KANSL1L: variants seen among roughly 807,000 people sequenced by gnomAD.
The protein encoded by KANSL1L is KAT8 regulatory NSL complex subunit 1-like protein.
In KANSL1L, 25 loss-of-function variants were observed where a neutral mutation model predicts 108.6. The observed-to-expected ratio is 0.23, with a 90% confidence interval of 0.17 to 0.32. KANSL1L has a LOEUF of 0.32. Among genes scored for constraint, KANSL1L ranks in the 10% least tolerant of loss-of-function variants. The pLI, the probability that KANSL1L is intolerant of heterozygous loss-of-function variation, is 1.00. For synonymous variants in KANSL1L, 405 were observed against 395.1 expected (o/e 1.03, Z -0.30); for missense variants, 1,137 against 1,125.7 (o/e 1.01, Z -0.14).
intron 3 of KANSL1L, among the ~76,000 whole-genome samples, chr2:210,109,764 CTTCT>C (rs1480969464): frequency 2.0e-5 from 3 of 151,936 alleles, no homozygotes; most frequent in African/African-American, 7.2e-5. Flanking sequence ...AATCAGCCTG[CTTCT>C]TTCTTTTATA....
chr2:210,073,320 A>C (rs183506682), intron 6 of KANSL1L, among the ~76,000 whole-genome samples: 6 of 152,308 alleles, frequency 3.9e-5, no homozygotes, highest in Non-Finnish European at 8.8e-5. Context: ...TATCAGGATA[A>C]GTCTGAGTCT....
In KANSL1L at chr2:210,154,245, A is replaced by C. The variant is rs774846720; in HGVS notation, c.338T>G (p.Leu113Arg). The C allele has an allele frequency of 8.7e-6, 14 of 1,613,868 alleles. No individual in the cohort carries two copies. The highest frequency in any genetic ancestry group is 1.0e-5 in the Non-Finnish European group (12 of 1,180,006). ...GAGCTGAATGTTGCTGCCATTATACAGTATGTTTTTCAGCTTATTGCAACT... is the reference window on the plus strand; with the variant it reads ...GAGCTGAATGTTGCTGCCATTATACCGTATGTTTTTCAGCTTATTGCAACT... ...EPSCNKLKNI[L>R]YNGSNIQLSK... Residue 113 changes from leucine (L) to arginine (R), a missense_variant, in exon 2 of 15, where the codon CTG becomes CGG. This residue lies in a region of KANSL1L where 556 missense variants were observed against 537.7 expected (regional missense o/e 1.03). Transcript: ENST00000281772.
intron 2 of KANSL1L, among the ~76,000 whole-genome samples, chr2:210,130,194 T>C (rs2125545578): frequency 6.6e-6 from 1 of 152,310 alleles, no homozygotes; most frequent in East Asian, 1.9e-4. Context: ...TCATCAATTG[T>C]AACAAATACA....
chr2:210,034,286 A>G (rs1173105691), intron 8 of KANSL1L, among the ~76,000 whole-genome samples: 1 of 152,226 alleles, frequency 6.6e-6, no homozygotes, highest in Non-Finnish European at 1.5e-5. Flanking sequence ...GAGAATGTAT[A>G]AGAGTGCTAG....
At chr2:210,151,241 G>T (rs1456256436) in intron 2 of KANSL1L, among the ~76,000 whole-genome samples, 1 of 152,000 alleles carries the variant, frequency 6.6e-6, no homozygotes, top group Non-Finnish European at 1.5e-5. Flanking sequence ...GGCTGGTCTC[G>T]AACTTCTGGG....
intron 6 of KANSL1L, among the ~76,000 whole-genome samples, chr2:210,056,888 G>C (rs1423093049): frequency 6.6e-6 from 1 of 152,068 alleles, no homozygotes; most frequent in Non-Finnish European, 1.5e-5. Context: ...TCTTAATTTA[G>C]AGCTGTCCCT....
chr2:210,032,168 G>A (rs1325554119), intron 8 of KANSL1L: 2 of 152,132 alleles, frequency 1.3e-5, no homozygotes, highest in Non-Finnish European at 2.9e-5. Flanking sequence ...GAAAGGTTTG[G>A]AGATGTGGAA....
chr2:210,118,154 G>A lies in KANSL1L; in HGVS notation c.1230+10877C>T, dbSNP rs193295795. ...GTACTCCAGCCTGGGCAACAAAAGC[G>A]AAACTCCATCTCAAAAAAAAAAAAA... is the stretch of plus-strand genomic sequence containing the variant. On this transcript the variant is annotated intron_variant, in intron 3 of 14. Transcript: ENST00000281772. 4.6e-3 allele frequency among the ~76,000 whole-genome samples: 563 copies of A among 121,104 alleles called. 5 individuals are homozygous for A. The highest frequency in any genetic ancestry group is 5.8e-3 in the Non-Finnish European group (339 of 58,794). 79.4% of individuals were successfully genotyped at this position (121,104 alleles called of 152,430 possible).
chr2:210,045,056 C>G (rs1353514221), intron 6 of KANSL1L, among the ~76,000 whole-genome samples: 2 of 152,162 alleles, frequency 1.3e-5, no homozygotes, highest in African/African-American at 2.4e-5. Context: ...AGGTGTGAGT[C>G]ACTGCACCTG....
chr2:210,172,267 G>C (rs1688378474), upstream of KANSL1L, among the ~76,000 whole-genome samples: 1 of 152,168 alleles, frequency 6.6e-6, no homozygotes, highest in South Asian at 2.1e-4. Flanking sequence ...CTTAGATGTT[G>C]TATCACAGTC....
At chr2:210,170,719 G>C (rs1330433578) in intron 1 of KANSL1L, 5 of 152,240 alleles carry the variant, frequency 3.3e-5, no homozygotes, top group Admixed American at 6.5e-5. Context: ...CGCCTCAAAA[G>C]AGCCGTCACC....
At chr2:210,084,586 T>C (rs1460304186) in intron 5 of KANSL1L, among the ~76,000 whole-genome samples, 3 of 152,110 alleles carry the variant, frequency 2.0e-5, no homozygotes, top group Admixed American at 1.3e-4. Context: ...CAAGAAAATA[T>C]ACTCTGAGCA....
intron 1 of KANSL1L, among the ~76,000 whole-genome samples, chr2:210,164,961 G>A (rs562596971): frequency 1.3e-5 from 2 of 150,704 alleles, no homozygotes; most frequent in African/African-American, 4.9e-5. Context: ...CGCTTCCTGG[G>A]TTCAAGCGAT....
chr2:210,099,721 G>A (rs1458589141), intron 4 of KANSL1L, among the ~76,000 whole-genome samples: 2 of 152,042 alleles, frequency 1.3e-5, no homozygotes, highest in Non-Finnish European at 2.9e-5. Flanking sequence ...GCCACTGGAC[G>A]TCGCTAATTG....
At chr2:210,104,406 A>G (rs2094826196) in intron 3 of KANSL1L, 105 bp from the exon 4 acceptor site, 1 of 763,732 alleles carries the variant, frequency 1.3e-6, no homozygotes, top group Non-Finnish European at 2.1e-6. Context: ...ATCTCTTGGA[A>G]TTCAGAAAAT....
chr2:210,066,164 G>A (rs949609745), intron 6 of KANSL1L, among the ~76,000 whole-genome samples: 1 of 152,148 alleles, frequency 6.6e-6, no homozygotes, highest in African/African-American at 2.4e-5. Context: ...GTAGGATTAA[G>A]TCTTAAGAAG....
chr2:210,023,801 T>C (rs147585614), intron 14 of KANSL1L, among the ~76,000 whole-genome samples: 4,349 of 152,300 alleles, frequency 0.029, 92 homozygotes, highest in Non-Finnish European at 0.042. Flanking sequence ...ACTTTGATAG[T>C]ACTTCCACTC....
Position 210,023,102 on chromosome 2 carries a change from C to CT in KANSL1L, c.2810dup (p.Asp938GlyfsTer4). The CT allele has an allele frequency of 1.2e-6, 2 of 1,613,946 alleles. No individual in the cohort carries two copies. The highest frequency in any genetic ancestry group is 1.1e-5 in the South Asian group (1 of 91,072). ...CTGTGCTTGACCTTTCAACCTGATC[C>CT]TTTTTTTCATCTTGACATAATAAGG... On this transcript the variant is annotated frameshift_variant, in exon 15 of 15. Coordinates refer to ENST00000281772, the MANE Select transcript of KANSL1L (RefSeq NM_152519.4). LOFTEE classifies it high-confidence loss of function.
chr2:210,073,692 T>C (rs2094522769), intron 6 of KANSL1L, among the ~76,000 whole-genome samples: 1 of 151,548 alleles, frequency 6.6e-6, no homozygotes, highest in Non-Finnish European at 1.5e-5. Context: ...AGACTTTCCA[T>C]AAAGAAAAAA....
Sources: gnomAD v4.1 joint callset for allele counts (sites outside exome capture counted in the v4.1 genomes callset) on GRCh38, gnomAD v4.1.1 for gene constraint, gnomAD v4.1.1 regional missense constraint, MANE v1.5 for transcripts, NCBI Gene and HGNC (gene_info 2026-07-23, HGNC 2026-07-21) for gene names.